TRABD2B: variants seen among roughly 807,000 people sequenced by gnomAD.
TRABD2B encodes metalloprotease TIKI2.
A neutral mutation model predicts 40.1 loss-of-function variants in TRABD2B; 14 were observed. That is an observed-to-expected ratio of 0.35 (90% CI 0.23 to 0.55). The LOEUF (loss-of-function observed/expected upper bound fraction) is 0.55. TRABD2B is among the 20% of genes least tolerant of loss of function. The pLI, the probability that TRABD2B is intolerant of heterozygous loss-of-function variation, is 0.90. For missense variants in TRABD2B, 541 were observed against 648.6 expected, an observed-to-expected ratio of 0.83 and a Z score of 1.80; for synonymous variants, 263 against 277.0, an observed-to-expected ratio of 0.95 and a Z score of 0.50.
At chr1:47,803,376 A>C (rs79857602) in intron 2 of TRABD2B, among the ~76,000 whole-genome samples, 334 of 152,330 alleles carry the variant, frequency 2.2e-3, no homozygotes, top group African/African-American at 7.3e-3. Context: ...CGTGCTGCTG[A>C]TGCTGCTGCT....
At chr1:47,969,393 C>T (rs367676124) in intron 2 of TRABD2B, among the ~76,000 whole-genome samples, 28 of 152,266 alleles carry the variant, frequency 1.8e-4, no homozygotes, top group African/African-American at 6.3e-4. Flanking sequence ...ATCTTCATGC[C>T]GTGCAGAGGG....
At chr1:47,865,766 T>A (rs957489013) in intron 2 of TRABD2B, among the ~76,000 whole-genome samples, 1 of 152,136 alleles carries the variant, frequency 6.6e-6, no homozygotes, top group African/African-American at 2.4e-5. Context: ...ATGGTGATGA[T>A]AATTCACACC....
intron 2 of TRABD2B, among the ~76,000 whole-genome samples, chr1:47,870,486 C>T (rs186556643): frequency 3.9e-5 from 6 of 152,312 alleles, no homozygotes; most frequent in Admixed American, 6.5e-5. Flanking sequence ...GAATCCCTCT[C>T]CCAGGCACCC....
chr1:47,847,852 C>T (rs72894229), intron 2 of TRABD2B, among the ~76,000 whole-genome samples: 4,915 of 152,282 alleles, frequency 0.032, 275 homozygotes, highest in African/African-American at 0.11. Flanking sequence ...TCATATGGCA[C>T]GTTAGGGCTT....
chr1:47,859,035 TA>T (rs1364855445), intron 2 of TRABD2B, among the ~76,000 whole-genome samples: 1 of 152,162 alleles, frequency 6.6e-6, no homozygotes, highest in Admixed American at 6.5e-5. Context: ...TGAGCCTGCT[TA>T]GGGGTGGTCT....
chr1:47,976,946 C>T (rs560498317), intron 2 of TRABD2B, among the ~76,000 whole-genome samples: 2 of 152,146 alleles, frequency 1.3e-5, no homozygotes, highest in Non-Finnish European at 2.9e-5. Flanking sequence ...AATATCAAAA[C>T]CAGGGAATTG....
chr1:47,957,411 T>A (rs1291934434), intron 2 of TRABD2B, among the ~76,000 whole-genome samples: 1 of 151,914 alleles, frequency 6.6e-6, no homozygotes, highest in African/African-American at 2.4e-5. Flanking sequence ...ATAACAAATT[T>A]CTCCGAGCTA....
At chr1:47,795,804 A>T in intron 3 of TRABD2B, 4 of 710,044 alleles carry the variant, frequency 5.6e-6, no homozygotes, top group Non-Finnish European at 6.9e-6. Context: ...AAATGCCTCC[A>T]TCCCTTTTTG....
chr1:47,795,886 G>C (rs1644741634), intron 3 of TRABD2B, among the ~76,000 whole-genome samples: 1 of 152,124 alleles, frequency 6.6e-6, no homozygotes, highest in Non-Finnish European at 1.5e-5. Context: ...AGCTGCCTAG[G>C]TGTTTTGCCA....
intron 2 of TRABD2B, among the ~76,000 whole-genome samples, chr1:47,902,568 C>G (rs552948055): frequency 9.2e-5 from 14 of 152,350 alleles, no homozygotes; most frequent in African/African-American, 3.4e-4. Flanking sequence ...ACGATCATAG[C>G]TCACTGCAGC....
At chr1:47,912,084 G>A (rs1469678047) in intron 2 of TRABD2B, among the ~76,000 whole-genome samples, 2 of 152,146 alleles carry the variant, frequency 1.3e-5, no homozygotes, top group African/African-American at 4.8e-5. Context: ...TTGGAGGAGG[G>A]GGCTGAGGGA....
chr1:47,982,557 T>C (rs575083615), intron 2 of TRABD2B, among the ~76,000 whole-genome samples: 21 of 152,348 alleles, frequency 1.4e-4, no homozygotes, highest in African/African-American at 4.8e-4. Context: ...CTCCATCATT[T>C]TGAACAAAGT....
chr1:47,893,317 A>G (rs904325178), intron 2 of TRABD2B, among the ~76,000 whole-genome samples: 2 of 152,174 alleles, frequency 1.3e-5, no homozygotes, highest in Admixed American at 6.5e-5. Flanking sequence ...TCTATGGGAC[A>G]GAGTGCATTC....
intron 2 of TRABD2B, among the ~76,000 whole-genome samples, chr1:47,817,377 C>A (rs1645048385): frequency 6.6e-6 from 1 of 152,036 alleles, no homozygotes; most frequent in African/African-American, 2.4e-5. Flanking sequence ...AACAGAACCT[C>A]GGGATTGGGG....
At chr1:47,966,952 C>T (rs993667195) in intron 2 of TRABD2B, among the ~76,000 whole-genome samples, 1 of 66,272 alleles carries the variant, frequency 1.5e-5, no homozygotes, top group Admixed American at 1.4e-4. Flanking sequence ...ATAAAATAAT[C>T]GGGTCAATCC....
chr1:47,872,781 G>A (rs1014704637), intron 2 of TRABD2B, among the ~76,000 whole-genome samples: 1 of 152,162 alleles, frequency 6.6e-6, no homozygotes, highest in Non-Finnish European at 1.5e-5. Flanking sequence ...TGGTGGGGAA[G>A]GTCCAGGGAG....
chr1:47,778,384 C>T lies in TRABD2B; in HGVS notation c.1079+70G>A, dbSNP rs190709770. On this transcript the variant is annotated intron_variant, in intron 5 of 6. Coordinates refer to ENST00000606738, the MANE Select transcript of TRABD2B (RefSeq NM_001194986.2). The stretch of plus-strand genomic sequence containing the variant: ...CTCTGCCTCACCAGAAGCCTCTTCA[C>T]AGCTCTCCTGAAAGCCTGGGCAGGA... 1.0e-3 allele frequency: 1,177 copies of T among 1,180,566 alleles called. 2 individuals are homozygous for T. The highest frequency in any genetic ancestry group is 2.9e-3 in the Admixed American group (145 of 50,410). 73.1% of individuals were successfully genotyped at this position (1,180,566 alleles called of 1,614,324 possible). A position where few individuals can be genotyped will look rare whatever the true frequency, so the allele number is the denominator to read the frequency against.
chr1:47,787,722 G>T (rs1354670039), intron 4 of TRABD2B, among the ~76,000 whole-genome samples: 1 of 152,186 alleles, frequency 6.6e-6, no homozygotes, highest in Non-Finnish European at 1.5e-5. Flanking sequence ...TTTTGCTGTG[G>T]GATAATGTAG....
At chr1:47,903,386 C>T (rs1405178920) in intron 2 of TRABD2B, among the ~76,000 whole-genome samples, 1 of 152,146 alleles carries the variant, frequency 6.6e-6, no homozygotes, top group African/African-American at 2.4e-5. Context: ...CCAGCTGTGC[C>T]TCAGGGTCTT....
Sources: allele counts gnomAD v4.1 joint callset (sites outside exome capture counted in the v4.1 genomes callset), GRCh38; gene constraint gnomAD v4.1.1; transcripts MANE v1.5; gene names NCBI Gene and HGNC (gene_info 2026-07-23, HGNC 2026-07-21).